Variants in HEATR4 observed in about 807,000 individuals in gnomAD.
HEATR4 encodes HEAT repeat-containing protein 4.
HEATR4 carries 95 observed loss-of-function variants against 108.8 expected under a neutral mutation model. The observed-to-expected ratio is 0.87, with a 90% confidence interval of 0.74 to 1.04. HEATR4 has a LOEUF of 1.04. Ranked by LOEUF, HEATR4 falls within the 50% of genes least tolerant of loss-of-function variation. The pLI is 0.00. For missense variants in HEATR4, 1,152 were observed against 1,253.8 expected, an observed-to-expected ratio of 0.92 and a Z score of 1.23; for synonymous variants, 443 against 459.4, an observed-to-expected ratio of 0.96 and a Z score of 0.46.
At chr14:73,482,806 A>G (rs11846238) in intron 17 of HEATR4, among the ~76,000 whole-genome samples, 7,732 of 152,092 alleles carry the variant, frequency 0.051, 672 homozygotes, top group African/African-American at 0.18. Flanking sequence ...TTACAGGCAC[A>G]CACCACCATG....
the HEATR4 span, chr14:73,593,584 C>A: frequency 1.1e-6 from 1 of 893,408 alleles, no homozygotes; most frequent in Non-Finnish European, 1.7e-6. Flanking sequence ...CTCAAGCAAT[C>A]CTCCTGCCTT....
the HEATR4 span, chr14:73,595,354 T>A: frequency 6.2e-7 from 1 of 1,614,258 alleles, no homozygotes; most frequent in South Asian, 1.1e-5. Context: ...TGCTCATTGT[T>A]GGTCAGGATG....
the HEATR4 span, among the ~76,000 whole-genome samples, chr14:73,585,793 T>C: frequency 6.8e-6 from 1 of 147,226 alleles, no homozygotes; most frequent in East Asian, 2.0e-4. Flanking sequence ...AAAAAAAAAG[T>C]ATAGGAGACC....
intron 6 of HEATR4, 67 bp downstream of exon 6, chr14:73,513,964 A>C (rs1432613441): frequency 1.3e-6 from 2 of 1,493,738 alleles, no homozygotes; most frequent in Non-Finnish European, 1.9e-6. Context: ...AAGACTGAGA[A>C]AGCCTAGTCC....
the HEATR4 span, among the ~76,000 whole-genome samples, chr14:73,627,821 T>A: frequency 9.9e-5 from 3 of 30,192 alleles, no homozygotes; most frequent in South Asian, 2.5e-3. Context: ...TCCCAACAAT[T>A]TTTTTTTTTT....
At chr14:73,566,390 G>A in the HEATR4 span, among the ~76,000 whole-genome samples, 21 of 152,212 alleles carry the variant, frequency 1.4e-4, 1 homozygote, top group Middle Eastern at 6.8e-3. Flanking sequence ...AGGGGGCGGC[G>A]CTCGTCAGGG....
At chr14:73,562,422 T>C (rs1166222343), upstream of HEATR4, among the ~76,000 whole-genome samples, 2 of 151,960 alleles carry the variant, frequency 1.3e-5, no homozygotes, top group Non-Finnish European at 2.9e-5. Flanking sequence ...TTGTAAAACA[T>C]GTGTTTGAAC....
the HEATR4 span, among the ~76,000 whole-genome samples, chr14:73,576,345 TTC>T: frequency 6.6e-6 from 1 of 152,010 alleles, no homozygotes; most frequent in South Asian, 2.1e-4. Context: ...ACATATTTAG[TTC>T]TTTGATATCT....
rs948018832 is a variant in HEATR4, at chr14:73,508,799, T to A, written c.1721-505A>T. ...AAAATTTAGTCCAGCTACCACTTGG[T>A]GGCAGTGTACCTGTTTTGTTAAAGT... On this transcript the variant is annotated intron_variant, in intron 8 of 17. Coordinates refer to ENST00000553558, the MANE Select transcript of HEATR4 (RefSeq NM_001220484.1). Among the ~76,000 whole-genome samples, 7 of 148,506 alleles carry A rather than the reference T, an allele frequency of 4.7e-5. No individual in the cohort carries two copies. In the East Asian group the frequency reaches 1.4e-3, roughly 29 times the overall value.
the HEATR4 span, among the ~76,000 whole-genome samples, chr14:73,609,398 T>C: frequency 1.3e-5 from 2 of 152,066 alleles, no homozygotes; most frequent in South Asian, 2.1e-4. Context: ...CACCCCTGGG[T>C]ACAAGAAACA....
At chr14:73,579,538 G>T in the HEATR4 span, among the ~76,000 whole-genome samples, 2 of 140,108 alleles carry the variant, frequency 1.4e-5, no homozygotes, top group African/African-American at 5.4e-5. Flanking sequence ...TCGTGCCACT[G>T]CACTCCAGCC....
chr14:73,532,902 C>A (rs1430700561), intron 1 of HEATR4, among the ~76,000 whole-genome samples: 3 of 112,536 alleles, frequency 2.7e-5, no homozygotes, highest in Admixed American at 2.0e-4. Context: ...TTTCAGTGAG[C>A]CAAGATTGGG....
At chr14:73,507,936 G>A (rs1196068051) in intron 9 of HEATR4, among the ~76,000 whole-genome samples, 198 bp downstream of exon 9, 5 of 152,192 alleles carry the variant, frequency 3.3e-5, no homozygotes, top group African/African-American at 4.8e-5. Flanking sequence ...GTAGAGATGA[G>A]GTTTCACCCA....
chr14:73,558,427 A>G (rs8015736), intron 1 of HEATR4, among the ~76,000 whole-genome samples: 92,376 of 123,946 alleles, frequency 0.75, 35,823 homozygotes, highest in East Asian at 0.99. Flanking sequence ...CGTGATCATG[A>G]CTCACTGCAG....
the HEATR4 span, among the ~76,000 whole-genome samples, chr14:73,583,409 A>G: frequency 6.6e-6 from 1 of 151,298 alleles, no homozygotes; most frequent in African/African-American, 2.4e-5. Flanking sequence ...CTTTACCCCA[A>G]CCAATCAATA....
chr14:73,547,129 T>A (rs1889245841), intron 1 of HEATR4, among the ~76,000 whole-genome samples: 1 of 111,368 alleles, frequency 9.0e-6, no homozygotes, highest in Admixed American at 1.1e-4. Flanking sequence ...ACGCCTGTAA[T>A]CCCAGCCCTT....
At chr14:73,632,453 A>G in the HEATR4 span, among the ~76,000 whole-genome samples, 3 of 152,086 alleles carry the variant, frequency 2.0e-5, no homozygotes, top group Admixed American at 6.6e-5. Flanking sequence ...ACCATTTTGT[A>G]TATATATACA....
the HEATR4 span, among the ~76,000 whole-genome samples, chr14:73,570,174 G>A: frequency 5.2e-4 from 79 of 151,770 alleles, 2 homozygotes; most frequent in African/African-American, 1.8e-3. Context: ...CAACCTTCCG[G>A]AGGTTAGTGT....
intron 4 of HEATR4, 135 bp from the exon 5 acceptor site, chr14:73,519,298 T>C (rs1321158892): frequency 2.7e-6 from 2 of 731,404 alleles, no homozygotes; most frequent in Non-Finnish European, 4.3e-6. Context: ...ACTGCCATAC[T>C]CTGGGGCATC....
Sources: allele counts gnomAD v4.1 joint callset (sites outside exome capture counted in the v4.1 genomes callset), GRCh38; gene constraint gnomAD v4.1.1; transcripts MANE v1.5; gene names NCBI Gene and HGNC (gene_info 2026-07-23, HGNC 2026-07-21).